Variants in FBXO45 observed in about 807,000 individuals in gnomAD.
FBXO45 encodes F-box/SPRY domain-containing protein 1.
A neutral mutation model predicts 25.5 loss-of-function variants in FBXO45; 3 were observed. The observed-to-expected ratio is 0.12, with a 90% confidence interval of 0.05 to 0.30. FBXO45 has a LOEUF of 0.30. Ranked by LOEUF, FBXO45 falls within the 10% of genes least tolerant of loss-of-function variation. The probability of loss-of-function intolerance (pLI) is 1.00; values close to 1 mark genes in which losing one functional copy is unlikely to be tolerated. For synonymous variants in FBXO45, 155 were observed against 149.8 expected (o/e 1.03, Z -0.25); for missense variants, 219 against 365.0 (o/e 0.60, Z 3.26).
intron 1 of FBXO45, among the ~76,000 whole-genome samples, chr3:196,570,356 G>A (rs938353001): frequency 2.0e-5 from 3 of 149,834 alleles, no homozygotes; most frequent in Admixed American, 6.7e-5. Flanking sequence ...TCTTGCCTCA[G>A]CCTCCCGAGT....
chr3:196,571,204 CTTATT>C (rs1329228742), intron 1 of FBXO45, among the ~76,000 whole-genome samples: 2 of 152,044 alleles, frequency 1.3e-5, no homozygotes, highest in East Asian at 1.9e-4. Context: ...ATTGTTTTTA[CTTATT>C]TTAAACTAGG....
intron 2 of FBXO45, among the ~76,000 whole-genome samples, chr3:196,583,004 T>G (rs1337807995): frequency 3.9e-5 from 6 of 152,172 alleles, no homozygotes; most frequent in African/African-American, 1.4e-4. Context: ...ATAATCTCTA[T>G]TATGTTCATT....
At chr3:196,581,372 A>G (rs1333859292) in intron 2 of FBXO45, among the ~76,000 whole-genome samples, 1 of 151,160 alleles carries the variant, frequency 6.6e-6, no homozygotes, top group African/African-American at 2.4e-5. Context: ...CTGGGACTAC[A>G]GGTGTGTGCC....
rs1736188084 is a variant in FBXO45, at chr3:196,588,968, AT to A, written c.*4653del. The A allele has an allele frequency of 6.6e-6, 1 of 152,182 alleles. No homozygotes were observed. The highest frequency in any genetic ancestry group is 6.5e-5 in the Admixed American group (1 of 15,278). The allele number at this position is 152,182 out of a possible 1,614,324, so 9.4% of individuals were successfully genotyped here. A position where few individuals can be genotyped will look rare whatever the true frequency, so the allele number is the denominator to read the frequency against. ...AATACTGGTAAACTCTGATTTTTAT[AT>A]TTGTTTAGAATTTAAATTAGAATTC... On this transcript the variant is annotated 3_prime_UTR_variant, in exon 3 of 3. Coordinates refer to ENST00000311630, the MANE Select transcript of FBXO45 (RefSeq NM_001105573.2). This position sits in a 1 kb window ranked among gnomAD's most constrained non-coding sequence, Gnocchi z 4.2.
intron 1 of FBXO45, among the ~76,000 whole-genome samples, chr3:196,575,399 A>G (rs1735896015): frequency 6.7e-6 from 1 of 149,568 alleles, no homozygotes; most frequent in African/African-American, 2.4e-5. Flanking sequence ...CAGAGGTTGC[A>G]GTGAGCTGAG....
chr3:196,578,811 T>A lies in FBXO45; in HGVS notation c.675+1002T>A, dbSNP rs920882678. Reference sequence around the variant, plus strand: ...GAGATTTTTTTGCAATTTTTTTTTTTAAAGCTGATTAGCTATCTTTAGTGT... The same window carrying A: ...GAGATTTTTTTGCAATTTTTTTTTTAAAAGCTGATTAGCTATCTTTAGTGT... On this transcript the variant is annotated intron_variant, in intron 2 of 2. Transcript: ENST00000311630. Among the ~76,000 whole-genome samples the A allele has an allele frequency of 2.2e-4, 33 of 152,118 alleles. No individual in the cohort carries two copies. The East Asian group carries it at 2.5e-3, about 12-fold the overall frequency.
Position 196,581,223 on chromosome 3 carries a change from C to CTTTTTTTTTTTTTTTTTTTTTTTT in FBXO45, c.676-2905_676-2882dup, listed in dbSNP as rs33962634. ...TAGAATTTCCTTTTTTTTCTTTTTC[C>CTTTTTTTTTTTTTTTTTTTTTTTT]TTTTTTTTTTTTTTTTTTTTTTTTT... On this transcript the variant is annotated intron_variant, in intron 2 of 2. Coordinates refer to ENST00000311630, the MANE Select transcript of FBXO45 (RefSeq NM_001105573.2). Among the ~76,000 whole-genome samples, 15 of 63,676 alleles carry CTTTTTTTTTTTTTTTTTTTTTTTT rather than the reference C, an allele frequency of 2.4e-4. 4 individuals are homozygous for CTTTTTTTTTTTTTTTTTTTTTTTT. Among genetic ancestry groups the CTTTTTTTTTTTTTTTTTTTTTTTT allele is most frequent in the Admixed American group, 2.6e-4 (1 of 3,788 alleles). 41.8% of individuals were successfully genotyped at this position (63,676 alleles called of 152,430 possible).
Position 196,584,069 on chromosome 3 carries a change from G to A in FBXO45, c.676-64G>A, listed in dbSNP as rs1008120876. 79 of 1,457,344 alleles carry A rather than the reference G, an allele frequency of 5.4e-5. No homozygotes were observed. The South Asian group carries it at 9.3e-4, about 17-fold the overall frequency. The allele number at this position is 1,457,344 out of a possible 1,614,324, so 90.3% of individuals were successfully genotyped here. On this transcript the variant is annotated intron_variant, in intron 2 of 2. Coordinates refer to ENST00000311630, the MANE Select transcript of FBXO45 (RefSeq NM_001105573.2). The surrounding 1 kb of genome is among the most constrained non-coding windows in gnomAD (Gnocchi z 4.3). Reference sequence around the variant, plus strand: ...TAATATTTTCAACTTCTTGATTTGTGTCTTGTTTCTTCTAGCTACACCCTT... The same window carrying A: ...TAATATTTTCAACTTCTTGATTTGTATCTTGTTTCTTCTAGCTACACCCTT...
At chr3:196,582,407 G>T (rs961465539) in intron 2 of FBXO45, among the ~76,000 whole-genome samples, 1 of 152,162 alleles carries the variant, frequency 6.6e-6, no homozygotes, top group Non-Finnish European at 1.5e-5. Context: ...ATAAAATGAG[G>T]TGTGGGTTAA....
intron 1 of FBXO45, among the ~76,000 whole-genome samples, chr3:196,575,915 G>C (rs951877524): frequency 6.6e-6 from 1 of 152,154 alleles, no homozygotes; most frequent in African/African-American, 2.4e-5. Flanking sequence ...GAGTTCAGGC[G>C]ATTTGCCCAC....
intron 1 of FBXO45, among the ~76,000 whole-genome samples, chr3:196,573,444 G>A (rs1191492579): frequency 6.6e-6 from 1 of 152,164 alleles, no homozygotes; most frequent in African/African-American, 2.4e-5. Context: ...AGTGACAAAG[G>A]CTCTACTTCA....
chr3:196,573,892 T>C (rs1735870369), intron 1 of FBXO45, among the ~76,000 whole-genome samples: 1 of 151,730 alleles, frequency 6.6e-6, no homozygotes, highest in Non-Finnish European at 1.5e-5. Flanking sequence ...CATGGGAATG[T>C]GAGGCTATGG....
At chr3:196,583,237 A>G (rs923047817) in intron 2 of FBXO45, among the ~76,000 whole-genome samples, 2 of 152,250 alleles carry the variant, frequency 1.3e-5, no homozygotes, top group African/African-American at 4.8e-5. Context: ...GCCGGGCGCG[A>G]TGGCTCATGC....
chr3:196,577,354 C>A, intron 1 of FBXO45, 99 bp from the exon 2 acceptor site: 2 of 893,698 alleles, frequency 2.2e-6, no homozygotes, highest in Non-Finnish European at 3.3e-6. Context: ...AAATATATAA[C>A]TTCGTTATTT....
Position 196,569,904 on chromosome 3 carries a change from A to G in FBXO45, c.318+602A>G, listed in dbSNP as rs1735761995. ...AGAACGTCCACGGGCACCACCTAAC[A>G]TACTGCTTTGTCCTGCTGTTATTGG... On this transcript the variant is annotated intron_variant, in intron 1 of 2. Transcript: ENST00000311630. This position sits in a 1 kb window ranked among gnomAD's most constrained non-coding sequence, Gnocchi z 4.1. Among the ~76,000 whole-genome samples, 1 of 152,192 alleles carries G rather than the reference A, an allele frequency of 6.6e-6. No homozygotes were observed. The highest frequency in any genetic ancestry group is 1.5e-5 in the Non-Finnish European group (1 of 68,034).
In FBXO45 at chr3:196,586,392, C is replaced by T. The variant is rs1736111378; in HGVS notation, c.*2074C>T. The T allele has an allele frequency of 1.3e-5, 2 of 152,128 alleles. No individual in the cohort carries two copies. Among genetic ancestry groups the T allele is most frequent in the South Asian group, 2.1e-4 (1 of 4,826 alleles). 9.4% of individuals were successfully genotyped at this position (152,128 alleles called of 1,614,324 possible). A position where few individuals can be genotyped will look rare whatever the true frequency, so the allele number is the denominator to read the frequency against. On this transcript the variant is annotated 3_prime_UTR_variant, in exon 3 of 3. Coordinates refer to ENST00000311630, the MANE Select transcript of FBXO45 (RefSeq NM_001105573.2). ...AACACATGGTTATTGCGTATTGGAC[C>T]TAGAATGAAATAATTGCCTCAATAT...
rs33962634 is a variant in FBXO45 at position 196,581,223 on chromosome 3, C to CTTTTTTTT, written c.676-2889_676-2882dup. Among the ~76,000 whole-genome samples, 216 of 63,682 alleles carry CTTTTTTTT rather than the reference C, an allele frequency of 3.4e-3. 26 individuals carry two copies. Among genetic ancestry groups the CTTTTTTTT allele is most frequent in the East Asian group, 0.014 (25 of 1,838 alleles). 41.8% of individuals were successfully genotyped at this position (63,682 alleles called of 152,430 possible). ...TAGAATTTCCTTTTTTTTCTTTTTC[C>CTTTTTTTT]TTTTTTTTTTTTTTTTTTTTTTTTT... On this transcript the variant is annotated intron_variant, in intron 2 of 2. Transcript: ENST00000311630.
chr3:196,572,084 A>T (rs1336280616), intron 1 of FBXO45, among the ~76,000 whole-genome samples: 2 of 152,226 alleles, frequency 1.3e-5, no homozygotes, highest in Non-Finnish European at 2.9e-5. Context: ...TTGAGCTTAT[A>T]TTTGAGCTGA....
Position 196,587,861 on chromosome 3 carries a change from T to G in FBXO45, c.*3543T>G, listed in dbSNP as rs1736164606. On this transcript the variant is annotated 3_prime_UTR_variant, in exon 3 of 3. Coordinates refer to ENST00000311630, the MANE Select transcript of FBXO45 (RefSeq NM_001105573.2). Reference sequence around the variant, plus strand: ...TGCACGATCTTGACTCACTGCAACCTTTGCCACCCAGGTTCAAGCAATTCT... The same window carrying G: ...TGCACGATCTTGACTCACTGCAACCGTTGCCACCCAGGTTCAAGCAATTCT... 1 of 152,174 alleles carries G rather than the reference T, an allele frequency of 6.6e-6. No homozygotes were observed. Among genetic ancestry groups the G allele is most frequent in the Admixed American group, 6.6e-5 (1 of 15,258 alleles). 9.4% of individuals were successfully genotyped at this position (152,174 alleles called of 1,614,324 possible).
Sources: gnomAD v4.1 joint callset for allele counts (sites outside exome capture counted in the v4.1 genomes callset) on GRCh38, gnomAD v4.1.1 for gene constraint, Gnocchi (gnomAD v3.1) non-coding constraint, MANE v1.5 for transcripts, NCBI Gene and HGNC (gene_info 2026-07-23, HGNC 2026-07-21) for gene names.